Variants in MDFIC observed in about 807,000 individuals in gnomAD.
MDFIC encodes myoD family inhibitor domain-containing protein.
Under a neutral mutation model 23.2 loss-of-function variants are expected in MDFIC, and 17 were observed. That is an observed-to-expected ratio of 0.73 (90% CI 0.50 to 1.10). The LOEUF (loss-of-function observed/expected upper bound fraction) is 1.10, where lower values mean the gene tolerates loss of function less well. Ranked by LOEUF, MDFIC falls within the 50% of genes least tolerant of loss-of-function variation. MDFIC has a pLI of 0.00. For synonymous variants in MDFIC, 120 were observed against 115.2 expected (o/e 1.04, Z -0.27); for missense variants, 356 against 316.6 (o/e 1.12, Z -0.95).
intron 2 of MDFIC, among the ~76,000 whole-genome samples, chr7:114,935,802 C>T (rs767759057): frequency 2.0e-5 from 3 of 151,994 alleles, no homozygotes; most frequent in Non-Finnish European, 2.9e-5. Context: ...AAATAACATA[C>T]AGCTACTCAG....
intron 3 of MDFIC, among the ~76,000 whole-genome samples, chr7:114,970,445 C>A (rs544484675): frequency 1.3e-5 from 2 of 152,182 alleles, no homozygotes; most frequent in African/African-American, 4.8e-5. Context: ...TCACTGGCTC[C>A]AAATTTGTGT....
intron 4 of MDFIC, among the ~76,000 whole-genome samples, chr7:114,983,381 C>A (rs1311734961): frequency 1.3e-5 from 2 of 151,970 alleles, no homozygotes; most frequent in Non-Finnish European, 2.9e-5. Flanking sequence ...ATTAAGAACT[C>A]TAAGGGCGTC....
At chr7:114,951,087 G>A (rs2115810441) in intron 3 of MDFIC, among the ~76,000 whole-genome samples, 1 of 152,334 alleles carries the variant, frequency 6.6e-6, no homozygotes, top group South Asian at 2.1e-4. Context: ...TTGGGAGGCT[G>A]AGGTGGGAAG....
chr7:114,973,322 T>C (rs965191437), intron 3 of MDFIC, among the ~76,000 whole-genome samples: 1 of 152,130 alleles, frequency 6.6e-6, no homozygotes, highest in African/African-American at 2.4e-5. Flanking sequence ...AGATTCCTTT[T>C]GTTTGGTCTC....
intron 2 of MDFIC, 110 bp downstream of exon 2, chr7:114,923,237 C>T: frequency 7.2e-7 from 1 of 1,391,570 alleles, no homozygotes. Context: ...GGGGCTCCCA[C>T]TCGTAGTTGA....
At chr7:114,923,296 G>A (rs1792128343) in intron 2 of MDFIC, among the ~76,000 whole-genome samples, 169 bp downstream of exon 2, 1 of 152,164 alleles carries the variant, frequency 6.6e-6, no homozygotes, top group South Asian at 2.1e-4. Context: ...CAGGATCCTT[G>A]CCCTAGATCA....
chr7:114,934,542 T>C (rs891278083), intron 2 of MDFIC, among the ~76,000 whole-genome samples: 3 of 152,226 alleles, frequency 2.0e-5, no homozygotes, highest in Non-Finnish European at 2.9e-5. Flanking sequence ...TATAAAGTGA[T>C]TGAGTCAGTA....
chr7:114,966,843 G>A (rs1387830844), intron 3 of MDFIC, among the ~76,000 whole-genome samples: 1 of 152,142 alleles, frequency 6.6e-6, no homozygotes, highest in East Asian at 1.9e-4. Flanking sequence ...GGGAAGCATG[G>A]TTAGTAGCAA....
intron 3 of MDFIC, among the ~76,000 whole-genome samples, chr7:114,956,358 C>CACAT (rs143850710): frequency 1.3e-5 from 2 of 149,558 alleles, no homozygotes; most frequent in African/African-American, 2.5e-5. Flanking sequence ...TACACACACA[C>CACAT]ATATATATAT....
At chr7:115,004,284 T>C (rs1400720659) in intron 4 of MDFIC, among the ~76,000 whole-genome samples, 1 of 152,174 alleles carries the variant, frequency 6.6e-6, no homozygotes, top group African/African-American at 2.4e-5. Flanking sequence ...TATGTAACAC[T>C]CCTTGCTCAT....
intron 3 of MDFIC, among the ~76,000 whole-genome samples, chr7:114,962,826 A>G (rs1371179829): frequency 1.3e-5 from 2 of 152,236 alleles, no homozygotes; most frequent in Non-Finnish European, 2.9e-5. Flanking sequence ...GAATGGCAAC[A>G]TGATTCCCTC....
At position 114,979,664 on chromosome 7, in the gene MDFIC, C is replaced by A; in HGVS notation, c.376C>A (p.Pro126Thr). 6.2e-7 allele frequency: 1 copy of A among 1,614,002 alleles called. No homozygotes were observed. The highest frequency in any genetic ancestry group is 1.1e-5 in the South Asian group (1 of 91,072). Residue 126 changes from proline (P) to threonine (T), a missense_variant, in exon 4 of 5, where the codon CCT becomes ACT. Pro to Thr is a conservative substitution (Grantham distance 38). Coordinates refer to ENST00000393486, the MANE Select transcript of MDFIC (RefSeq NM_001166345.3). ...CGCAGATAATCGCAAACTTTCAGCACCTGTTTCTCAAAAAATGCATAGAAA... is the reference window on the plus strand; with the variant it reads ...CGCAGATAATCGCAAACTTTCAGCAACTGTTTCTCAAAAAATGCATAGAAA... ...GSADNRKLSAPVSQKMHRKIQ... is the reference protein window; with the variant it reads ...GSADNRKLSATVSQKMHRKIQ...
At chr7:114,977,603 A>C (rs2115949602) in intron 3 of MDFIC, among the ~76,000 whole-genome samples, 1 of 152,276 alleles carries the variant, frequency 6.6e-6, no homozygotes, top group South Asian at 2.1e-4. Flanking sequence ...AGAGTAGCCT[A>C]GGGATGTCGT....
chr7:114,974,203 GAT>G (rs1793262076), intron 3 of MDFIC, among the ~76,000 whole-genome samples: 1 of 151,996 alleles, frequency 6.6e-6, no homozygotes, highest in Non-Finnish European at 1.5e-5. Flanking sequence ...AAAAATGTAA[GAT>G]AGTTTTTATC....
At chr7:114,969,782 A>G (rs934870382) in intron 3 of MDFIC, among the ~76,000 whole-genome samples, 4 of 152,170 alleles carry the variant, frequency 2.6e-5, no homozygotes, top group African/African-American at 9.6e-5. Context: ...ACAAACGTAT[A>G]TGTACTTCTC....
chr7:114,989,170 T>C (rs1004529633), intron 4 of MDFIC, among the ~76,000 whole-genome samples: 1 of 152,116 alleles, frequency 6.6e-6, no homozygotes, highest in African/African-American at 2.4e-5. Context: ...AGACTGGAGA[T>C]AATGATATCA....
chr7:114,981,990 G>A (rs576530047), intron 4 of MDFIC, among the ~76,000 whole-genome samples: 3 of 152,218 alleles, frequency 2.0e-5, no homozygotes, highest in Non-Finnish European at 4.4e-5. Flanking sequence ...CCACCAGCTT[G>A]CTGGGGTACT....
intron 4 of MDFIC, among the ~76,000 whole-genome samples, chr7:114,990,703 A>G (rs1793592723): frequency 6.6e-6 from 1 of 152,194 alleles, no homozygotes; most frequent in African/African-American, 2.4e-5. Flanking sequence ...GCTGCATAGT[A>G]TTCCATGGTG....
intron 4 of MDFIC, among the ~76,000 whole-genome samples, chr7:114,980,803 T>A (rs1204327589): frequency 6.6e-6 from 1 of 152,180 alleles, no homozygotes; most frequent in Non-Finnish European, 1.5e-5. Flanking sequence ...TCATGCTTAT[T>A]CATAGAGACA....
Sources: gnomAD v4.1 joint callset for allele counts (sites outside exome capture counted in the v4.1 genomes callset) on GRCh38, gnomAD v4.1.1 for gene constraint, MANE v1.5 for transcripts, NCBI Gene and HGNC (gene_info 2026-07-23, HGNC 2026-07-21) for gene names.